CSMD1: variants seen among roughly 807,000 people sequenced by gnomAD.
CSMD1 encodes CUB and sushi domain-containing protein 1.
Under a neutral mutation model 417.5 loss-of-function variants are expected in CSMD1, and 213 were observed. The ratio of observed to expected loss-of-function variants is 0.51; its 90% CI spans 0.46 to 0.57. The LOEUF is 0.57. CSMD1 is among the 20% of genes least tolerant of loss of function. The pLI is 0.00. For synonymous variants in CSMD1, 2,862 were observed against 1,736.8 expected (o/e 1.65, Z -16.11); for missense variants, 6,923 against 4,529.7 (o/e 1.53, Z -15.17).
chr8:4,890,606 C>A (rs1204188257), intron 1 of CSMD1, among the ~76,000 whole-genome samples: 3 of 149,112 alleles, frequency 2.0e-5, no homozygotes, highest in Non-Finnish European at 1.5e-5. Flanking sequence ...GACTCTGACA[C>A]CCTCCCCTGC....
At chr8:3,548,663 C>T (rs1443491889) in intron 10 of CSMD1, among the ~76,000 whole-genome samples, 1 of 133,396 alleles carries the variant, frequency 7.5e-6, no homozygotes, top group Admixed American at 7.4e-5. Flanking sequence ...CCATCATACA[C>T]ACACACACAC....
intron 3 of CSMD1, among the ~76,000 whole-genome samples, chr8:4,338,773 A>G (rs1030815126): frequency 6.6e-6 from 1 of 152,120 alleles, no homozygotes; most frequent in Admixed American, 6.6e-5. Context: ...CTTGAACCCA[A>G]ATGAATCATA....
chr8:4,123,329 C>A (rs868839761), intron 3 of CSMD1, among the ~76,000 whole-genome samples: 3 of 152,192 alleles, frequency 2.0e-5, no homozygotes, highest in African/African-American at 7.2e-5. Flanking sequence ...AGATGCATGC[C>A]AATTAGTAGG....
At chr8:4,014,094 C>T (rs924292994) in intron 4 of CSMD1, among the ~76,000 whole-genome samples, 3 of 152,006 alleles carry the variant, frequency 2.0e-5, no homozygotes, top group Admixed American at 2.0e-4. Flanking sequence ...ATTTCAATGC[C>T]CTCAAACTCA....
intron 1 of CSMD1, among the ~76,000 whole-genome samples, chr8:4,968,447 C>G (rs899182161): frequency 6.6e-6 from 1 of 151,978 alleles, no homozygotes; most frequent in African/African-American, 2.4e-5. Flanking sequence ...TGAAATAGAG[C>G]CATTTAACTG....
intron 5 of CSMD1, among the ~76,000 whole-genome samples, chr8:3,973,499 C>T (rs1307562649): frequency 6.6e-6 from 1 of 152,100 alleles, no homozygotes; most frequent in Non-Finnish European, 1.5e-5. Flanking sequence ...TAGCATACAT[C>T]CCAACAAATC....
At chr8:3,491,416 C>G (rs937267806) in intron 11 of CSMD1, among the ~76,000 whole-genome samples, 5 of 152,122 alleles carry the variant, frequency 3.3e-5, no homozygotes, top group East Asian at 1.9e-4. Context: ...GCATTTAACA[C>G]AGTGCATGGT....
At chr8:3,971,400 T>C (rs547336996) in intron 5 of CSMD1, among the ~76,000 whole-genome samples, 41 of 152,290 alleles carry the variant, frequency 2.7e-4, no homozygotes, top group African/African-American at 9.6e-4. Context: ...TAAGTTTTTA[T>C]AAAATGTTTT....
intron 1 of CSMD1, among the ~76,000 whole-genome samples, chr8:4,901,599 C>G (rs755802274): frequency 1.4e-4 from 22 of 152,282 alleles, no homozygotes; most frequent in African/African-American, 5.1e-4. Flanking sequence ...CCGGACACTT[C>G]TATTAGCCTT....
At chr8:4,664,358 T>C (rs1024262155) in intron 1 of CSMD1, among the ~76,000 whole-genome samples, 1 of 152,128 alleles carries the variant, frequency 6.6e-6, no homozygotes, top group African/African-American at 2.4e-5. Context: ...TCAGGAGTTC[T>C]AGACCAGCCT....
chr8:3,015,874 A>G (rs948108190), intron 52 of CSMD1, among the ~76,000 whole-genome samples: 2 of 152,138 alleles, frequency 1.3e-5, no homozygotes, highest in Non-Finnish European at 2.9e-5. Flanking sequence ...TACAGGATGA[A>G]GGACACAATT....
intron 3 of CSMD1, among the ~76,000 whole-genome samples, chr8:4,377,268 C>G (rs943342371): frequency 1.3e-5 from 2 of 152,128 alleles, no homozygotes; most frequent in African/African-American, 2.4e-5. Context: ...ACTATCACCC[C>G]TGGGACAGAG....
rs1185410362 is a variant in CSMD1 at position 4,668,443 on chromosome 8, A to C, written c.86-30885T>G. 2.7e-5 allele frequency among the ~76,000 whole-genome samples: 4 copies of C among 145,492 alleles called. No individual in the cohort carries two copies. In the South Asian group the frequency reaches 6.5e-4, roughly 24 times the overall value. The stretch of plus-strand genomic sequence containing the variant: ...TATTATTATTATTATTATTATTATT[A>C]TTATTATTATTATTATTATTATTTG... On this transcript the variant is annotated intron_variant, in intron 1 of 69. Transcript: ENST00000635120.
At chr8:3,092,556 G>C (rs1241348902) in intron 47 of CSMD1, among the ~76,000 whole-genome samples, 2 of 152,122 alleles carry the variant, frequency 1.3e-5, no homozygotes, top group East Asian at 3.9e-4. Context: ...TATAAGATGA[G>C]GGCCTAAAGT....
intron 3 of CSMD1, among the ~76,000 whole-genome samples, chr8:4,299,502 A>G (rs1329409770): frequency 6.6e-6 from 1 of 152,232 alleles, no homozygotes; most frequent in Non-Finnish European, 1.5e-5. Flanking sequence ...ATCATGTGGT[A>G]GACACCTTGT....
intron 5 of CSMD1, among the ~76,000 whole-genome samples, chr8:3,785,485 G>A (rs1408658016): frequency 6.6e-6 from 1 of 152,214 alleles, no homozygotes; most frequent in Non-Finnish European, 1.5e-5. Context: ...TTGTACTCTA[G>A]TGTTGGAAAA....
intron 21 of CSMD1, among the ~76,000 whole-genome samples, chr8:3,349,178 G>C (rs1277697920): frequency 6.6e-6 from 1 of 152,192 alleles, no homozygotes; most frequent in South Asian, 2.1e-4. Flanking sequence ...CTGAGAGCAG[G>C]AGAGAAGGAT....
chr8:3,286,962 A>C (rs1437525482), intron 25 of CSMD1, among the ~76,000 whole-genome samples: 1 of 152,114 alleles, frequency 6.6e-6, no homozygotes, highest in Non-Finnish European at 1.5e-5. Context: ...TTTAGTTCTA[A>C]CATTTAAGTC....
intron 10 of CSMD1, among the ~76,000 whole-genome samples, chr8:3,508,816 G>C (rs1479686685): frequency 6.6e-6 from 1 of 152,148 alleles, no homozygotes. Context: ...TCCCATTATG[G>C]AAAGAGACAC....
Sources: gnomAD v4.1 joint callset for allele counts (sites outside exome capture counted in the v4.1 genomes callset) on GRCh38, gnomAD v4.1.1 for gene constraint, MANE v1.5 for transcripts, NCBI Gene and HGNC (gene_info 2026-07-23, HGNC 2026-07-21) for gene names.